The following NOS2 variants were observed in gnomAD, a reference collection of about 807,000 sequenced individuals.
The protein encoded by NOS2 is nitric oxide synthase, inducible.
In NOS2, 96 loss-of-function variants were observed where a neutral mutation model predicts 136.0. The observed-to-expected ratio is 0.71, with a 90% confidence interval of 0.60 to 0.84. NOS2 has a LOEUF of 0.84. Among genes scored for constraint, NOS2 ranks in the 40% least tolerant of loss-of-function variants. NOS2 has a pLI of 0.00. For missense variants in NOS2, 1,237 were observed against 1,496.9 expected (o/e 0.83, Z 2.87); for synonymous variants, 539 against 587.5 (o/e 0.92, Z 1.20).
chr17:27,781,235 C>A, intron 7 of NOS2, 58 bp from the exon 8 acceptor site: 1 of 1,539,956 alleles, frequency 6.5e-7, no homozygotes, highest in Non-Finnish European at 8.8e-7. Flanking sequence ...GCCCAGCCAT[C>A]CTGCACTGGC....
intron 2 of NOS2, among the ~76,000 whole-genome samples, chr17:27,793,935 G>C (rs1909275013): frequency 6.6e-6 from 1 of 152,246 alleles, no homozygotes; most frequent in Non-Finnish European, 1.5e-5. Context: ...GGATGGCACT[G>C]GACTGTGTCT....
chr17:27,770,110 G>A (rs961013045), intron 15 of NOS2, among the ~76,000 whole-genome samples: 19 of 152,040 alleles, frequency 1.2e-4, no homozygotes, highest in South Asian at 2.1e-4. Flanking sequence ...TTCATTCTTC[G>A]GAGCACTGGA....
intron 24 of NOS2, among the ~76,000 whole-genome samples, 168 bp downstream of exon 24, chr17:27,760,455 G>C (rs1432888561): frequency 6.6e-6 from 1 of 152,232 alleles, no homozygotes; most frequent in Admixed American, 6.5e-5. Context: ...CTACTATGCG[G>C]GAGACGGAAA....
Position 27,759,132 on chromosome 17 carries a change from G to A in NOS2, c.3160-57C>T, listed in dbSNP as rs569606080. ...TCAGCTGCTCAGGACAAGGCTTGCA[G>A]GCAGGCCTGCTGGCCTCAAGGAGGC... On this transcript the variant is annotated intron_variant, in intron 25 of 26. Coordinates refer to ENST00000313735, the MANE Select transcript of NOS2 (RefSeq NM_000625.4). 4.2e-5 allele frequency: 56 copies of A among 1,333,218 alleles called. No homozygotes were observed. In the African/African-American group the frequency reaches 7.7e-4, roughly 18 times the overall value. 82.6% of individuals were successfully genotyped at this position (1,333,218 alleles called of 1,614,324 possible).
In NOS2 at chr17:27,757,227, T is replaced by TA. The variant is rs1481429904; in HGVS notation, c.*18dup. On this transcript the variant is annotated 3_prime_UTR_variant, in exon 27 of 27. Coordinates refer to ENST00000313735, the MANE Select transcript of NOS2 (RefSeq NM_000625.4). ...TCCTTAAGTTCTGTGCCGGCAGCTT[T>TA]AACCCCTCCTGTAGGCCCTCAGAGC... The TA allele has an allele frequency of 2.8e-5, 45 of 1,606,786 alleles. No homozygotes were observed. The highest frequency in any genetic ancestry group is 3.8e-5 in the Non-Finnish European group (45 of 1,174,308).
intron 2 of NOS2, among the ~76,000 whole-genome samples, chr17:27,791,694 C>A (rs1282779970): frequency 6.6e-6 from 1 of 150,656 alleles, no homozygotes; most frequent in East Asian, 1.9e-4. Context: ...TAAAGACTTC[C>A]ATACTGTTCT....
At chr17:27,789,062 T>G (rs960297461) in intron 3 of NOS2, 131 bp from the exon 4 acceptor site, 35 of 1,295,790 alleles carry the variant, frequency 2.7e-5, no homozygotes, top group Non-Finnish European at 3.5e-5. Flanking sequence ...CTCCTCTGTT[T>G]CCAGCCCCCG....
intron 12 of NOS2, 116 bp from the exon 13 acceptor site, chr17:27,773,359 G>A: frequency 1.4e-6 from 1 of 726,044 alleles, no homozygotes; most frequent in Non-Finnish European, 2.3e-6. Flanking sequence ...AGAGAAGGCT[G>A]GCCTGCGCCC....
intron 2 of NOS2, chr17:27,793,547 C>T: frequency 2.5e-6 from 1 of 397,046 alleles, no homozygotes; most frequent in Non-Finnish European, 4.4e-6. Context: ...GCTCGGAGCC[C>T]ACCGCTTCCC....
At chr17:27,779,473 C>A (rs951995588) in intron 9 of NOS2, among the ~76,000 whole-genome samples, 2 of 151,908 alleles carry the variant, frequency 1.3e-5, no homozygotes, top group Middle Eastern at 3.4e-3. Context: ...CACCTTTGGC[C>A]TCCCACTGAC....
intron 2 of NOS2, among the ~76,000 whole-genome samples, chr17:27,792,956 G>A (rs1909239367): frequency 1.3e-5 from 2 of 151,974 alleles, no homozygotes; most frequent in African/African-American, 4.8e-5. Flanking sequence ...CGCCACTGTC[G>A]CCTGGGTGAC....
Position 27,780,964 on chromosome 17 carries a change from G to A in NOS2, c.865-58C>T. On this transcript the variant is annotated intron_variant, in intron 8 of 26. Transcript: ENST00000313735. ...AGCCCGGGCTGCGTGTCTCCTCTGG[G>A]CTCCACTCTGTCACTCGCTCACCAC... 1.9e-6 allele frequency: 3 copies of A among 1,598,948 alleles called. No homozygotes were observed. In the East Asian group the frequency reaches 6.7e-5, roughly 36 times the overall value.
intron 14 of NOS2, 87 bp downstream of exon 14, chr17:27,772,221 T>C (rs1022781015): frequency 3.4e-6 from 5 of 1,450,748 alleles, no homozygotes; most frequent in South Asian, 1.2e-5. Context: ...CTCTGAGACA[T>C]CCAGGAGTGG....
In NOS2 at chr17:27,780,843, G is replaced by T; in HGVS notation, c.928C>A (p.Gln310Lys). The T allele has an allele frequency of 6.2e-7, 1 of 1,614,218 alleles. No homozygotes were observed. Among genetic ancestry groups the T allele is most frequent in the Non-Finnish European group, 8.5e-7 (1 of 1,180,024 alleles). Residue 310 changes from glutamine to lysine, a missense_variant, in exon 9 of 27, where the codon CAG becomes AAG. Around this residue, in one of 3 missense-constraint regions of NOS2, gnomAD observed 440 missense variants for 545.4 expected, o/e 0.81. Coordinates refer to ENST00000313735, the MANE Select transcript of NOS2 (RefSeq NM_000625.4). ...GRFDVVPLVLQANGRDPELFE... is the reference protein window; with the variant it reads ...GRFDVVPLVLKANGRDPELFE... ...AGCTCAGGGTCACGGCCATTGGCCTGCAGGACCAGGGGGACCACATCGAAG... is the reference window on the plus strand; with the variant it reads ...AGCTCAGGGTCACGGCCATTGGCCTTCAGGACCAGGGGGACCACATCGAAG...
At chr17:27,782,438 G>T (rs1450116336) in intron 6 of NOS2, among the ~76,000 whole-genome samples, 1 of 152,202 alleles carries the variant, frequency 6.6e-6, no homozygotes, top group African/African-American at 2.4e-5. Flanking sequence ...CCCCAGGCTA[G>T]GTCCTTTCCC....
intron 22 of NOS2, among the ~76,000 whole-genome samples, 169 bp downstream of exon 22, chr17:27,762,629 C>A (rs1790917797): frequency 6.6e-6 from 1 of 152,212 alleles, no homozygotes; most frequent in Non-Finnish European, 1.5e-5. Context: ...TGGTTTAGTG[C>A]CTGGTTCCTA....
intron 25 of NOS2, 86 bp from the exon 26 acceptor site, chr17:27,759,161 G>T (rs1035299185): frequency 2.9e-5 from 28 of 976,352 alleles, no homozygotes; most frequent in Non-Finnish European, 3.7e-5. Flanking sequence ...AGGAGGCGGG[G>T]AGAGGGGCAC....
At chr17:27,779,227 C>A (rs1908763004) in intron 9 of NOS2, among the ~76,000 whole-genome samples, 171 bp from the exon 10 acceptor site, 1 of 151,496 alleles carries the variant, frequency 6.6e-6, no homozygotes, top group Non-Finnish European at 1.5e-5. Context: ...ATCCTCCTGC[C>A]TCAGCCTCCC....
chr17:27,786,248 C>T (rs1432504001), intron 5 of NOS2, among the ~76,000 whole-genome samples: 1 of 150,148 alleles, frequency 6.7e-6, no homozygotes, highest in Non-Finnish European at 1.5e-5. Context: ...TGATGAAACC[C>T]CATCTCAACT....
Sources: allele counts gnomAD v4.1 joint callset (sites outside exome capture counted in the v4.1 genomes callset), GRCh38; gene constraint gnomAD v4.1.1; regional missense constraint gnomAD v4.1.1; transcripts MANE v1.5; gene names NCBI Gene and HGNC (gene_info 2026-07-23, HGNC 2026-07-21).